Variants in OSBPL9 observed in about 807,000 individuals in gnomAD.
OSBPL9 encodes the protein oxysterol binding protein like 9, also known as oxysterol-binding protein-related protein 9.
OSBPL9 carries 40 observed loss-of-function variants against 106.6 expected under a neutral mutation model. The observed-to-expected ratio is 0.38, with a 90% CI of 0.29 to 0.49. OSBPL9 has a LOEUF of 0.49. Among genes scored for constraint, OSBPL9 ranks in the 20% least tolerant of loss-of-function variants. The probability of loss-of-function intolerance (pLI) is 0.97; values close to 1 mark genes in which losing one functional copy is unlikely to be tolerated. For missense variants in OSBPL9, 609 were observed against 887.2 expected, an observed-to-expected ratio of 0.69 and a Z score of 3.98; for synonymous variants, 269 against 295.4, an observed-to-expected ratio of 0.91 and a Z score of 0.92.
chr1:51,731,637 C>T (rs1302945692), intron 4 of OSBPL9, among the ~76,000 whole-genome samples: 2 of 151,640 alleles, frequency 1.3e-5, no homozygotes, highest in African/African-American at 2.4e-5. Context: ...ATTAGCCGGG[C>T]GTGGTGGCGG....
Position 51,692,388 on chromosome 1 carries a change from TATTATC to T in OSBPL9, c.242-21607_242-21602del, listed in dbSNP as rs143369537. 7.2e-3 allele frequency among the ~76,000 whole-genome samples: 1,093 copies of T among 152,334 alleles called. 10 individuals are homozygous for T. The highest frequency in any genetic ancestry group is 0.025 in the African/African-American group (1,051 of 41,574). Reference sequence around the variant, plus strand: ...TACATAAACCAGTCACATTGTCATTTATTATCATTATCAAGCATTATAACCATACAT... The same window carrying T: ...TACATAAACCAGTCACATTGTCATTTATTATCAAGCATTATAACCATACAT... On this transcript the variant is annotated intron_variant, in intron 3 of 23. Transcript: ENST00000428468.
Position 51,745,384 on chromosome 1 carries a change from G to A in OSBPL9, c.319-152G>A, listed in dbSNP as rs1667768344. 4 of 1,124,358 alleles carry A rather than the reference G, an allele frequency of 3.6e-6. No homozygotes were observed. In the African/African-American group the frequency reaches 4.8e-5, roughly 14 times the overall value. The allele number at this position is 1,124,358 out of a possible 1,614,324, so 69.6% of individuals were successfully genotyped here. A position where few individuals can be genotyped will look rare whatever the true frequency, so the allele number is the denominator to read the frequency against. ...AGATTGATGTACCACTGTTTAAATAGACCTAACTGTTAAATAGACCTATTA... is the reference window on the plus strand; with the variant it reads ...AGATTGATGTACCACTGTTTAAATAAACCTAACTGTTAAATAGACCTATTA... On this transcript the variant is annotated intron_variant, in intron 4 of 23. Transcript: ENST00000428468.
At position 51,734,959 on chromosome 1, in the gene OSBPL9, G is replaced by A. The variant is rs1424395437; in HGVS notation, c.319-10577G>A. Among the ~76,000 whole-genome samples the A allele has an allele frequency of 2.0e-5, 3 of 152,126 alleles. No individual in the cohort carries two copies. The East Asian group carries it at 5.8e-4, about 29-fold the overall frequency. On this transcript the variant is annotated intron_variant, in intron 4 of 23. Coordinates refer to ENST00000428468, the MANE Select transcript of OSBPL9 (RefSeq NM_024586.6). Reference sequence around the variant, plus strand: ...ATTGTTCCTCAGTTGGCCTCCTTGTGCTTCTCAGCTCCTCAGTTTGGGAAT... The same window carrying A: ...ATTGTTCCTCAGTTGGCCTCCTTGTACTTCTCAGCTCCTCAGTTTGGGAAT...
At chr1:51,568,947 A>T in the OSBPL9 span, among the ~76,000 whole-genome samples, 1 of 152,134 alleles carries the variant, frequency 6.6e-6, no homozygotes, top group Non-Finnish European at 1.5e-5. Flanking sequence ...TCCTGACCTC[A>T]AGTGATCTAC....
At chr1:51,633,602 T>TAAATAAAATAAAATA (rs140884503) in intron 1 of OSBPL9, among the ~76,000 whole-genome samples, 2 of 149,394 alleles carry the variant, frequency 1.3e-5, no homozygotes, top group African/African-American at 5.0e-5. Flanking sequence ...AAAAATAAAG[T>TAAATAAAATAAAATA]AAATAAAATA....
At chr1:51,672,260 G>A (rs916586820) in intron 3 of OSBPL9, among the ~76,000 whole-genome samples, 2 of 152,226 alleles carry the variant, frequency 1.3e-5, no homozygotes, top group Non-Finnish European at 2.9e-5. Context: ...AACCAGAAGA[G>A]AGGTGGTAGT....
chr1:51,760,506 A>T (rs1328720086), intron 9 of OSBPL9, 184 bp from the exon 10 acceptor site: 4 of 724,858 alleles, frequency 5.5e-6, no homozygotes, highest in African/African-American at 3.7e-5. Context: ...GTCTTTCCTT[A>T]CTATGCTTTA....
intron 1 of OSBPL9, among the ~76,000 whole-genome samples, chr1:51,619,271 C>T (rs925960838): frequency 1.3e-5 from 2 of 151,442 alleles, no homozygotes; most frequent in African/African-American, 4.9e-5. Flanking sequence ...GGATCTGAAT[C>T]TAGGACCATA....
chr1:51,617,105 C>T lies in OSBPL9; in HGVS notation c.-6C>T, dbSNP rs1026814638. ...AGGCCGTTTGTTGTCATTGGCGGCTCCCAAGATGGCGTCCATCATGGAAGG... is the reference window on the plus strand; with the variant it reads ...AGGCCGTTTGTTGTCATTGGCGGCTTCCAAGATGGCGTCCATCATGGAAGG... On this transcript the variant is annotated 5_prime_UTR_variant, in exon 1 of 24. Transcript: ENST00000428468. The T allele has an allele frequency of 4.4e-6, 7 of 1,601,612 alleles. No homozygotes were observed. Among genetic ancestry groups the T allele is most frequent in the African/African-American group, 2.7e-5 (2 of 74,602 alleles).
chr1:51,605,517 T>C (rs1643940179), intron 2 of OSBPL9, among the ~76,000 whole-genome samples: 1 of 151,850 alleles, frequency 6.6e-6, no homozygotes, highest in Non-Finnish European at 1.5e-5. Flanking sequence ...TTTCCAGACA[T>C]AGAGGAGTAA....
the OSBPL9 span, among the ~76,000 whole-genome samples, chr1:51,568,026 G>A: frequency 1.3e-5 from 2 of 152,306 alleles, no homozygotes; most frequent in African/African-American, 4.8e-5. Context: ...ACAAAGGTTG[G>A]GGCAGGACAT....
intron 14 of OSBPL9, among the ~76,000 whole-genome samples, chr1:51,776,628 T>C (rs1484686557): frequency 6.6e-6 from 1 of 152,188 alleles, no homozygotes; most frequent in Non-Finnish European, 1.5e-5. Context: ...TCTTTCTCTG[T>C]TTTTGATCTG....
At chr1:51,662,503 G>A (rs913686607) in intron 2 of OSBPL9, among the ~76,000 whole-genome samples, 1 of 152,146 alleles carries the variant, frequency 6.6e-6, no homozygotes, top group Admixed American at 6.5e-5. Context: ...GGGCACATCA[G>A]GAAGGTTTAG....
chr1:51,661,167 A>G (rs1187258418), intron 2 of OSBPL9, among the ~76,000 whole-genome samples: 1 of 152,200 alleles, frequency 6.6e-6, no homozygotes, highest in Non-Finnish European at 1.5e-5. Context: ...GGGAGTAGCT[A>G]TGCTGTGTAT....
intron 2 of OSBPL9, among the ~76,000 whole-genome samples, chr1:51,599,090 G>A (rs1222140977): frequency 6.6e-6 from 1 of 152,054 alleles, no homozygotes; most frequent in Non-Finnish European, 1.5e-5. Context: ...CTGCATGACT[G>A]TAGTCCTAGC....
chr1:51,519,812 C>T, the OSBPL9 span, among the ~76,000 whole-genome samples: 1 of 152,272 alleles, frequency 6.6e-6, no homozygotes, highest in African/African-American at 2.4e-5. Flanking sequence ...GAATCCAAGT[C>T]TAACTGTAAA....
the OSBPL9 span, among the ~76,000 whole-genome samples, chr1:51,544,256 G>T: frequency 6.6e-6 from 1 of 152,192 alleles, no homozygotes; most frequent in Non-Finnish European, 1.5e-5. Flanking sequence ...AGCTACTTGG[G>T]AGGTTGAGGC....
chr1:51,569,795 A>G, the OSBPL9 span: 1 of 152,206 alleles, frequency 6.6e-6, no homozygotes, highest in East Asian at 1.9e-4. Context: ...ATACCCAAAA[A>G]GCAGCCAGAG....
chr1:51,672,763 G>T (rs1466382743), intron 3 of OSBPL9, among the ~76,000 whole-genome samples: 2 of 152,198 alleles, frequency 1.3e-5, no homozygotes, highest in African/African-American at 2.4e-5. Flanking sequence ...ACAAGTCTAG[G>T]TTGAGTAACA....
Sources: allele counts gnomAD v4.1 joint callset (sites outside exome capture counted in the v4.1 genomes callset), GRCh38; gene constraint gnomAD v4.1.1; transcripts MANE v1.5; gene names NCBI Gene and HGNC (gene_info 2026-07-23, HGNC 2026-07-21).